XXYLT1: variants seen among roughly 807,000 people sequenced by gnomAD.
XXYLT1 encodes xyloside xylosyltransferase 1, also known as UDP-xylose:alpha-xyloside alpha-1,3-xylosyltransferase.
A neutral mutation model predicts 28.9 loss-of-function variants in XXYLT1; 20 were observed. The observed-to-expected ratio is 0.69, with a 90% confidence interval of 0.49 to 1.00. The LOEUF (loss-of-function observed/expected upper bound fraction) is 1.00, where lower values mean the gene tolerates loss of function less well. XXYLT1 is among the 50% of genes least tolerant of loss of function. The pLI, the probability that XXYLT1 is intolerant of heterozygous loss-of-function variation, is 0.00. For missense variants in XXYLT1, 542 were observed against 560.1 expected (o/e 0.97, Z 0.33); for synonymous variants, 257 against 253.8 (o/e 1.01, Z -0.12).
intron 3 of XXYLT1, among the ~76,000 whole-genome samples, chr3:195,132,139 A>G (rs986565674): frequency 3.9e-5 from 6 of 152,228 alleles, no homozygotes; most frequent in Non-Finnish European, 7.3e-5. Flanking sequence ...CCTGAAGCCC[A>G]CCTCCACATT....
chr3:195,113,574 C>T (rs767396090), intron 3 of XXYLT1, among the ~76,000 whole-genome samples: 5 of 152,178 alleles, frequency 3.3e-5, no homozygotes, highest in Admixed American at 6.5e-5. Context: ...CCAGCACTCA[C>T]GGTCTTTTTT....
At chr3:195,070,465 A>G (rs77353612) in intron 3 of XXYLT1, among the ~76,000 whole-genome samples, 5,210 of 152,202 alleles carry the variant, frequency 0.034, 310 homozygotes, top group African/African-American at 0.12. Flanking sequence ...AAACGGACGC[A>G]CAGAGAGGTC....
intron 1 of XXYLT1, among the ~76,000 whole-genome samples, chr3:195,228,733 C>T (rs1419699408): frequency 6.6e-6 from 1 of 151,784 alleles, no homozygotes; most frequent in African/African-American, 2.4e-5. Context: ...CGTGATGCGC[C>T]CGCCTCGGCC....
At chr3:195,211,779 A>G (rs1723322998) in intron 2 of XXYLT1, among the ~76,000 whole-genome samples, 1 of 152,204 alleles carries the variant, frequency 6.6e-6, no homozygotes, top group Admixed American at 6.5e-5. Flanking sequence ...GCCTCATTGC[A>G]CAAAGATCTG....
Position 195,257,082 on chromosome 3 carries a change from G to A in XXYLT1, c.504+13473C>T, listed in dbSNP as rs752011029. ...AGGAGAACCCGTGACAAGAGGGACC[G>A]GGAAGCTTTCTTTACAAGCTTGAGG... is the stretch of plus-strand genomic sequence containing the variant. On this transcript the variant is annotated intron_variant, in intron 1 of 3. Transcript: ENST00000310380. The surrounding 1 kb of genome is among the most constrained non-coding windows in gnomAD (Gnocchi z 4.3). Among the ~76,000 whole-genome samples the A allele has an allele frequency of 2.6e-4, 40 of 152,336 alleles. No individual in the cohort carries two copies. Among genetic ancestry groups the A allele is most frequent in the African/African-American group, 6.5e-4 (27 of 41,560 alleles).
intron 2 of XXYLT1, among the ~76,000 whole-genome samples, chr3:195,193,831 T>C (rs1722518410): frequency 6.6e-6 from 1 of 152,188 alleles, no homozygotes; most frequent in South Asian, 2.1e-4. Context: ...CAATTAGATA[T>C]ACAAATGCAA....
At position 195,143,831 on chromosome 3, in the gene XXYLT1, G is replaced by T. The variant is rs56947085; in HGVS notation, c.785+12618C>A. ...ATATATATAGATATAGATATATATA[G>T]ATATAGATATAGATATATATATAGA... is the stretch of plus-strand genomic sequence containing the variant. On this transcript the variant is annotated intron_variant, in intron 3 of 3. Coordinates refer to ENST00000310380, the MANE Select transcript of XXYLT1 (RefSeq NM_152531.5). 3.7e-3 allele frequency among the ~76,000 whole-genome samples: 241 copies of T among 65,068 alleles called. 4 individuals are homozygous for T. The highest frequency in any genetic ancestry group is 0.016 in the Middle Eastern group (2 of 126). 42.7% of individuals were successfully genotyped at this position (65,068 alleles called of 152,430 possible). A position where few individuals can be genotyped will look rare whatever the true frequency, so the allele number is the denominator to read the frequency against.
At chr3:195,193,162 C>T (rs1227116445) in intron 2 of XXYLT1, among the ~76,000 whole-genome samples, 1 of 151,842 alleles carries the variant, frequency 6.6e-6, no homozygotes, top group Non-Finnish European at 1.5e-5. Flanking sequence ...GTGGTGTGCG[C>T]CTGTAATCCC....
At chr3:195,220,924 G>T (rs556749575) in intron 2 of XXYLT1, among the ~76,000 whole-genome samples, 3 of 152,284 alleles carry the variant, frequency 2.0e-5, no homozygotes, top group South Asian at 2.1e-4. Flanking sequence ...AGGGGGAAAA[G>T]AATAATTTAC....
chr3:195,100,599 G>A (rs966058388), intron 3 of XXYLT1, among the ~76,000 whole-genome samples: 1 of 151,802 alleles, frequency 6.6e-6, no homozygotes, highest in African/African-American at 2.4e-5. Context: ...CACTCTCCCC[G>A]GCACTCTCCC....
chr3:195,109,620 G>C (rs1305568953), intron 3 of XXYLT1, among the ~76,000 whole-genome samples: 1 of 145,386 alleles, frequency 6.9e-6, no homozygotes, highest in Non-Finnish European at 1.5e-5. Context: ...TTGTATGAGT[G>C]TGTGTGGTGT....
rs1724725373 is a variant in XXYLT1, at chr3:195,240,427, T to A, written c.505-13571A>T. Among the ~76,000 whole-genome samples the A allele has an allele frequency of 6.6e-6, 1 of 152,212 alleles. No homozygotes were observed. The highest frequency in any genetic ancestry group is 2.4e-5 in the African/African-American group (1 of 41,466). ...CTCCTCTAAACACTCCCTGGGGACA[T>A]AAACTCAGGCCAAGCCTTTAGCTCC... On this transcript the variant is annotated intron_variant, in intron 1 of 3. Transcript: ENST00000310380. This position sits in a 1 kb window ranked among gnomAD's most constrained non-coding sequence, Gnocchi z 4.7.
rs61724285 is a variant in XXYLT1 at position 195,109,834 on chromosome 3, C to T, written c.786-39723G>A. 1.6e-4 allele frequency among the ~76,000 whole-genome samples: 5 copies of T among 32,194 alleles called. 1 individual carries two copies. The highest frequency in any genetic ancestry group is 4.2e-4 in the African/African-American group (5 of 11,860). 21.1% of individuals were successfully genotyped at this position (32,194 alleles called of 152,430 possible). On this transcript the variant is annotated intron_variant, in intron 3 of 3. Coordinates refer to ENST00000310380, the MANE Select transcript of XXYLT1 (RefSeq NM_152531.5). Reference sequence around the variant, plus strand: ...AGTGTGTGTGTGGTGTATGAGTGTGCGTGTGTGTGGTGTATGTGTGCCTGT... The same window carrying T: ...AGTGTGTGTGTGGTGTATGAGTGTGTGTGTGTGTGGTGTATGTGTGCCTGT...
At chr3:195,239,882 T>G (rs530424275) in intron 1 of XXYLT1, among the ~76,000 whole-genome samples, 2 of 152,284 alleles carry the variant, frequency 1.3e-5, no homozygotes, top group African/African-American at 4.8e-5. Flanking sequence ...ATGAGGGCAG[T>G]TGGGTGTTGT....
intron 1 of XXYLT1, among the ~76,000 whole-genome samples, chr3:195,238,147 C>T (rs1724631841): frequency 6.6e-6 from 1 of 152,222 alleles, no homozygotes; most frequent in Non-Finnish European, 1.5e-5. Flanking sequence ...GCCCCGTCCC[C>T]CGACCTCCCC....
intron 3 of XXYLT1, among the ~76,000 whole-genome samples, chr3:195,120,303 C>CCCCCT (rs1560106289): frequency 1.4e-5 from 2 of 142,152 alleles, no homozygotes; most frequent in Non-Finnish European, 3.1e-5. Context: ...GCCCCAGCCC[C>CCCCCT]CATGGCCACA....
intron 2 of XXYLT1, among the ~76,000 whole-genome samples, chr3:195,191,754 C>T (rs1191501166): frequency 6.6e-6 from 1 of 152,158 alleles, no homozygotes; most frequent in East Asian, 1.9e-4. Flanking sequence ...GACTTTACAA[C>T]AAGATCATTA....
At position 195,180,594 on chromosome 3, in the gene XXYLT1, C is replaced by A; in HGVS notation, c.653-24013G>T. 1.0e-6 allele frequency: 1 copy of A among 978,912 alleles called. No individual in the cohort carries two copies. Among genetic ancestry groups the A allele is most frequent in the South Asian group, 4.7e-5 (1 of 21,146 alleles). 60.6% of individuals were successfully genotyped at this position (978,912 alleles called of 1,614,324 possible). A position where few individuals can be genotyped will look rare whatever the true frequency, so the allele number is the denominator to read the frequency against. On this transcript the variant is annotated intron_variant, in intron 2 of 3. Transcript: ENST00000310380. The surrounding 1 kb of genome is among the most constrained non-coding windows in gnomAD (Gnocchi z 5.8). ...AGGCCCTTCCCAGCCCTCTCCAGAG[C>A]GTGATGTGGCCCCGTCTGGCTAAGA...
chr3:195,261,122 C>A (rs1398581647), intron 1 of XXYLT1, among the ~76,000 whole-genome samples: 3 of 152,246 alleles, frequency 2.0e-5, no homozygotes, highest in African/African-American at 7.2e-5. Context: ...GAGGCGTCTG[C>A]ACTTTTATAC....
Sources: allele counts gnomAD v4.1 joint callset (sites outside exome capture counted in the v4.1 genomes callset), GRCh38; gene constraint gnomAD v4.1.1; non-coding constraint Gnocchi (gnomAD v3.1); transcripts MANE v1.5; gene names NCBI Gene and HGNC (gene_info 2026-07-23, HGNC 2026-07-21).